Variants in MME observed in about 807,000 individuals in gnomAD.
MME encodes membrane metalloendopeptidase, also known as neprilysin.
MME carries 98 observed loss-of-function variants against 113.2 expected under a neutral mutation model. That is an observed-to-expected ratio of 0.87 (90% CI 0.74 to 1.02). The LOEUF is 1.02. Among genes scored for constraint, MME ranks in the 50% least tolerant of loss-of-function variants. MME has a pLI of 0.00. For missense variants in MME, 836 were observed against 896.0 expected, an observed-to-expected ratio of 0.93 and a Z score of 0.86; for synonymous variants, 292 against 300.6, an observed-to-expected ratio of 0.97 and a Z score of 0.30.
intron 1 of MME, among the ~76,000 whole-genome samples, chr3:155,070,692 G>A (rs953385627): frequency 6.6e-6 from 1 of 152,098 alleles, no homozygotes; most frequent in African/African-American, 2.4e-5. Flanking sequence ...GAGAAGTTGG[G>A]AATTGATTAC....
intron 1 of MME, among the ~76,000 whole-genome samples, chr3:155,071,521 T>C (rs1714554518): frequency 6.6e-6 from 1 of 152,256 alleles, no homozygotes; most frequent in African/African-American, 2.4e-5. Flanking sequence ...TTCTGAGTCG[T>C]ATTTCTCCCA....
intron 3 of MME, among the ~76,000 whole-genome samples, chr3:155,101,146 C>T (rs1717174571): frequency 6.6e-6 from 1 of 152,132 alleles, no homozygotes; most frequent in Admixed American, 6.5e-5. Context: ...CACGTTCTCT[C>T]ATAAGTAAAA....
At chr3:155,025,098 A>T (rs1345620766) in intron 1 of MME, among the ~76,000 whole-genome samples, 1 of 152,202 alleles carries the variant, frequency 6.6e-6, no homozygotes, top group Non-Finnish European at 1.5e-5. Context: ...ATAATGAGGG[A>T]TGCATCTTCC....
intron 1 of MME, among the ~76,000 whole-genome samples, chr3:155,062,655 A>G (rs1339468282): frequency 6.6e-6 from 1 of 152,174 alleles, no homozygotes; most frequent in East Asian, 1.9e-4. Flanking sequence ...AAGTATCCAG[A>G]AGTAATGATA....
At chr3:155,179,506 T>C (rs1712869809) in intron 22 of MME, among the ~76,000 whole-genome samples, 1 of 152,304 alleles carries the variant, frequency 6.6e-6, no homozygotes, top group South Asian at 2.1e-4. Context: ...TAAATCAAAA[T>C]GGACTCACCT....
intron 20 of MME, among the ~76,000 whole-genome samples, chr3:155,171,782 T>C (rs1711999855): frequency 6.6e-6 from 1 of 152,216 alleles, no homozygotes; most frequent in African/African-American, 2.4e-5. Flanking sequence ...TTGTCCTGAC[T>C]GGTCTTATTC....
chr3:155,167,614 A>G (rs966428732), intron 18 of MME, among the ~76,000 whole-genome samples: 1 of 152,190 alleles, frequency 6.6e-6, no homozygotes, highest in Non-Finnish European at 1.5e-5. Context: ...TCTATGACAA[A>G]TTTCATTCAC....
chr3:155,098,055 G>A (rs1427484324), intron 3 of MME, among the ~76,000 whole-genome samples: 4 of 152,102 alleles, frequency 2.6e-5, no homozygotes, highest in African/African-American at 4.8e-5. Context: ...AGCAGTAAAG[G>A]AGACAGTAAA....
intron 3 of MME, among the ~76,000 whole-genome samples, chr3:155,097,653 T>C (rs907605743): frequency 2.6e-5 from 4 of 152,198 alleles, no homozygotes; most frequent in Non-Finnish European, 5.9e-5. Flanking sequence ...TTTTATTTAA[T>C]ACTAGGGAGA....
rs767285200 is a variant in MME, at chr3:155,148,552, G to T, written c.1500G>T (p.Leu500Phe). ...DNKLNNEYLE[L>F]NYKEDEYFEN... ...CCCAAATCTTCTTTATAATACAGTT[G>T]AACTACAAAGAAGATGAATACTTCG... The change falls in exon 16 of 23, where the codon TTG (leucine) becomes TTT (phenylalanine). Residue 500 changes from leucine to phenylalanine, a missense_variant and splice_region_variant. Physicochemically the swap from Leu to Phe is conservative, Grantham distance 22 (BLOSUM62 0). Transcript: ENST00000360490. The T allele has an allele frequency of 6.3e-6, 10 of 1,592,334 alleles. No homozygotes were observed. Among genetic ancestry groups the T allele is most frequent in the Non-Finnish European group, 7.8e-6 (9 of 1,161,030 alleles).
At chr3:155,114,899 A>G (rs1718469364) in intron 3 of MME, 95 bp from the exon 4 acceptor site, 1 of 1,255,190 alleles carries the variant, frequency 8.0e-7, no homozygotes, top group African/African-American at 1.5e-5. Flanking sequence ...CGACAAATTG[A>G]TGCAATCAAA....
chr3:155,088,514 T>C (rs765343214), intron 3 of MME, among the ~76,000 whole-genome samples: 7 of 151,728 alleles, frequency 4.6e-5, no homozygotes, highest in Non-Finnish European at 7.4e-5. Context: ...AGAAAACCCA[T>C]CTCTACTAAA....
At position 155,128,227 on chromosome 3, in the gene MME, C is replaced by G. The variant is rs547584080; in HGVS notation, c.720+9416C>G. Among the ~76,000 whole-genome samples the G allele has an allele frequency of 1.6e-4, 24 of 152,288 alleles. 1 individual carries two copies. Among genetic ancestry groups the G allele is most frequent in the African/African-American group, 4.6e-4 (19 of 41,560 alleles). ...CTTTTTTTAAATCCATTCTTTTGGG[C>G]ATGGGGGTGAGAGCGTGTGTAGTTA... On this transcript the variant is annotated intron_variant, in intron 8 of 22. Transcript: ENST00000360490.
At chr3:155,086,130 TA>T (rs1190488727) in intron 3 of MME, among the ~76,000 whole-genome samples, 1 of 152,158 alleles carries the variant, frequency 6.6e-6, no homozygotes, top group African/African-American at 2.4e-5. Flanking sequence ...GCTGCTTCTG[TA>T]CTCCAAGTGT....
intron 1 of MME, among the ~76,000 whole-genome samples, chr3:155,036,798 T>A (rs911885026): frequency 3.9e-5 from 6 of 152,162 alleles, no homozygotes; most frequent in African/African-American, 1.4e-4. Flanking sequence ...GTATTTAATT[T>A]TCAAAAATTT....
chr3:155,034,177 T>C (rs1337442123), intron 1 of MME, among the ~76,000 whole-genome samples: 1 of 152,142 alleles, frequency 6.6e-6, no homozygotes, highest in Non-Finnish European at 1.5e-5. Flanking sequence ...ATAGAAATCC[T>C]TTACCTATAT....
At chr3:155,175,496 G>T (rs1464768001) in intron 22 of MME, among the ~76,000 whole-genome samples, 1 of 151,562 alleles carries the variant, frequency 6.6e-6, no homozygotes, top group Non-Finnish European at 1.5e-5. Context: ...AGTCATTTCA[G>T]GGAATATTTA....
chr3:155,084,296 G>A lies in MME; in HGVS notation c.129G>A (p.Val43=), dbSNP rs763574357. 4 of 1,614,004 alleles carry A rather than the reference G, an allele frequency of 2.5e-6. No homozygotes were observed. The African/African-American group carries it at 4.0e-5, about 16-fold the overall frequency. Residue 43 remains valine, a synonymous_variant, in exon 2 of 23, where the codon GTG becomes GTA. Coordinates refer to ENST00000360490, the MANE Select transcript of MME (RefSeq NM_007289.4). ...VLVLLLTIIA[V]TMIALYATYD... ...TCCTGCTCCTCACCATCATAGCTGT[G>A]ACAATGATCGCACTCTATGCAACCT... is the stretch of plus-strand genomic sequence containing the variant.
Position 155,138,230 on chromosome 3 carries a change from T to G in MME, c.849T>G (p.Ile283Met), listed in dbSNP as rs1345407842. ...AAGTTATGGAATTGGAAAAAGAAAT[T>G]GCCAATGTAAAACACATTTTTTTTT... ...MNKVMELEKE[I>M]ANATAKPEDR... Residue 283 changes from isoleucine to methionine, a missense_variant, in exon 9 of 23, where the codon ATT (isoleucine) becomes ATG (methionine). Coordinates refer to ENST00000360490, the MANE Select transcript of MME (RefSeq NM_007289.4). 6.2e-7 allele frequency: 1 copy of G among 1,613,554 alleles called. No homozygotes were observed. Among genetic ancestry groups the G allele is most frequent in the Non-Finnish European group, 8.5e-7 (1 of 1,179,662 alleles).
Sources: allele counts gnomAD v4.1 joint callset (sites outside exome capture counted in the v4.1 genomes callset), GRCh38; gene constraint gnomAD v4.1.1; transcripts MANE v1.5; gene names NCBI Gene and HGNC (gene_info 2026-07-23, HGNC 2026-07-21).